The following TAF8 variants were observed in gnomAD, a reference collection of about 807,000 sequenced individuals.
TAF8 encodes transcription initiation factor TFIID subunit 8.
TAF8 carries 47 observed loss-of-function variants against 36.5 expected under a neutral mutation model. The ratio of observed to expected loss-of-function variants is 1.29; its 90% CI spans 1.02 to 1.64. The LOEUF is 1.64. TAF8 is among the 40% of genes most tolerant of loss of function. The pLI is 0.00. For missense variants in TAF8, 420 were observed against 407.6 expected (o/e 1.03, Z -0.26); for synonymous variants, 175 against 159.5 (o/e 1.10, Z -0.73).
chr6:42,084,811 CAG>C (rs1250285528), downstream of TAF8, among the ~76,000 whole-genome samples: 1 of 152,176 alleles, frequency 6.6e-6, no homozygotes, highest in Non-Finnish European at 1.5e-5. Flanking sequence ...GAAGAGGAAA[CAG>C]AGACTTAGAG....
intron 7 of TAF8, among the ~76,000 whole-genome samples, chr6:42,075,756 A>G (rs1376083585): frequency 1.3e-5 from 2 of 152,228 alleles, no homozygotes; most frequent in African/African-American, 4.8e-5. Flanking sequence ...TAAAGACAGG[A>G]TAACTGACTG....
chr6:42,050,791 G>C, intron 1 of TAF8: 1 of 907,020 alleles, frequency 1.1e-6, no homozygotes, highest in African/African-American at 1.7e-5. Flanking sequence ...TGATTGGCTC[G>C]TTCGCTGTTG....
intron 5 of TAF8, among the ~76,000 whole-genome samples, chr6:42,065,931 G>A (rs987372305): frequency 6.6e-6 from 1 of 151,746 alleles, no homozygotes; most frequent in Non-Finnish European, 1.5e-5. Context: ...ACAGAGTCTC[G>A]CTCCTGCTGC....
intron 5 of TAF8, among the ~76,000 whole-genome samples, chr6:42,060,769 TG>T (rs1199389119): frequency 1.3e-5 from 2 of 152,226 alleles, no homozygotes; most frequent in Admixed American, 6.5e-5. Flanking sequence ...TTTCTCCAAC[TG>T]TGGCCTGTTA....
intron 7 of TAF8, among the ~76,000 whole-genome samples, chr6:42,070,159 C>T (rs534788397): frequency 6.6e-6 from 1 of 152,090 alleles, no homozygotes; most frequent in Non-Finnish European, 1.5e-5. Context: ...ATAGCAGCCA[C>T]TAGCCACGTG....
Position 42,080,254 on chromosome 6 carries a change from TTG to T in TAF8, c.*2711_*2712del, listed in dbSNP as rs1386512693. The stretch of plus-strand genomic sequence containing the variant: ...GTGTTTCTGCAGCTTCCATTTGTTG[TTG>T]TTATCCAGTGTAAGCACCTGTTGAA... On this transcript the variant is annotated 3_prime_UTR_variant, in exon 9 of 9. Transcript: ENST00000372977. 5 of 985,624 alleles carry T rather than the reference TTG, an allele frequency of 5.1e-6. No individual in the cohort carries two copies. The highest frequency in any genetic ancestry group is 6.0e-6 in the Non-Finnish European group (5 of 830,056). The allele number at this position is 985,624 out of a possible 1,614,324, so 61.1% of individuals were successfully genotyped here.
rs1582226008 is a variant in TAF8 at position 42,062,855 on chromosome 6, A to C, written c.490-3457A>C. 2.0e-5 allele frequency among the ~76,000 whole-genome samples: 3 copies of C among 151,622 alleles called. No homozygotes were observed. In the Middle Eastern group the frequency reaches 0.01, roughly 516 times the overall value. On this transcript the variant is annotated intron_variant, in intron 5 of 8. Transcript: ENST00000372977. ...GTGCCTGGCCAAGACAATCTTTAAA[A>C]CCCTCTGAACTAGACAAAATTACAT...
rs1765931087 is a variant in TAF8 at position 42,081,671 on chromosome 6, A to G, written c.*4126A>G. The G allele has an allele frequency of 6.6e-6, 1 of 151,812 alleles. No individual in the cohort carries two copies. Among genetic ancestry groups the G allele is most frequent in the Non-Finnish European group, 1.5e-5 (1 of 68,030 alleles). 9.4% of individuals were successfully genotyped at this position (151,812 alleles called of 1,614,324 possible). A position where few individuals can be genotyped will look rare whatever the true frequency, so the allele number is the denominator to read the frequency against. ...GGCATGAGCCACCGCACCTGGCCTAATTTTTTTGTAGGTTTAGTAGAGATG... is the reference window on the plus strand; with the variant it reads ...GGCATGAGCCACCGCACCTGGCCTAGTTTTTTTGTAGGTTTAGTAGAGATG... On this transcript the variant is annotated 3_prime_UTR_variant, in exon 9 of 9. Coordinates refer to ENST00000372977, the MANE Select transcript of TAF8 (RefSeq NM_138572.3).
intron 5 of TAF8, among the ~76,000 whole-genome samples, chr6:42,064,507 G>A (rs926880187): frequency 6.6e-6 from 1 of 151,970 alleles, no homozygotes; most frequent in Non-Finnish European, 1.5e-5. Flanking sequence ...TATCCGCCTC[G>A]GCCTCCCAAA....
chr6:42,052,836 T>C (rs1407413275), intron 2 of TAF8, among the ~76,000 whole-genome samples: 1 of 151,964 alleles, frequency 6.6e-6, no homozygotes, highest in South Asian at 2.1e-4. Context: ...TGGGGTGCAA[T>C]GCAGGCCCAA....
rs1174561916 is a variant in TAF8 at position 42,078,312 on chromosome 6, A to G, written c.*767A>G. 7 of 985,334 alleles carry G rather than the reference A, an allele frequency of 7.1e-6. No individual in the cohort carries two copies. The highest frequency in any genetic ancestry group is 7.2e-6 in the Non-Finnish European group (6 of 829,958). 61.0% of individuals were successfully genotyped at this position (985,334 alleles called of 1,614,324 possible). A position where few individuals can be genotyped will look rare whatever the true frequency, so the allele number is the denominator to read the frequency against. On this transcript the variant is annotated 3_prime_UTR_variant, in exon 9 of 9. Coordinates refer to ENST00000372977, the MANE Select transcript of TAF8 (RefSeq NM_138572.3). The stretch of plus-strand genomic sequence containing the variant: ...GACCAGGGAAAGTGACAGGAAGGAA[A>G]GGGCTCTTTGCTGCTGTGCTTATTA...
intron 5 of TAF8, among the ~76,000 whole-genome samples, chr6:42,066,003 C>T (rs945511354): frequency 1.3e-5 from 2 of 152,250 alleles, no homozygotes; most frequent in African/African-American, 4.8e-5. Context: ...TGGGTTCAAG[C>T]GATTCTCCTG....
At position 42,065,895 on chromosome 6, in the gene TAF8, TTTTATTTA is replaced by T. The variant is rs1310616140; in HGVS notation, c.490-405_490-398del. Reference sequence around the variant, plus strand: ...AATAGTATTGGGTCATTTAATTTAATTTTATTTATTTATTTATTTTTTGAGACAGAGTC... The same window carrying T: ...AATAGTATTGGGTCATTTAATTTAATTTTATTTATTTTTTGAGACAGAGTC... On this transcript the variant is annotated intron_variant, in intron 5 of 8. Coordinates refer to ENST00000372977, the MANE Select transcript of TAF8 (RefSeq NM_138572.3). Among the ~76,000 whole-genome samples the T allele has an allele frequency of 3.3e-5, 5 of 152,308 alleles. No homozygotes were observed. The South Asian group carries it at 8.3e-4, about 25-fold the overall frequency.
downstream of TAF8, chr6:42,086,861 C>A: frequency 9.2e-7 from 1 of 1,088,930 alleles, no homozygotes; most frequent in Non-Finnish European, 1.4e-6. Flanking sequence ...CCTTCCAGCC[C>A]TTGCTGGTGC....
intron 8 of TAF8, 40 bp downstream of exon 8, chr6:42,077,279 C>G (rs1298996197): frequency 1.3e-6 from 2 of 1,593,514 alleles, no homozygotes. Flanking sequence ...TTCACTGTCC[C>G]ACCGAGGTGG....
intron 5 of TAF8, among the ~76,000 whole-genome samples, chr6:42,058,210 C>T (rs1765073359): frequency 6.6e-6 from 1 of 152,130 alleles, no homozygotes; most frequent in South Asian, 2.1e-4. Flanking sequence ...ACAGTGAAAC[C>T]CCATCTCTAC....
intron 3 of TAF8, 41 bp from the exon 4 acceptor site, chr6:42,055,911 C>T (rs368156848): frequency 1.4e-4 from 178 of 1,299,794 alleles, no homozygotes; most frequent in Non-Finnish European, 1.9e-4. Context: ...TATTCAATAT[C>T]CAGTGGTCTG....
chr6:42,074,048 T>C (rs1562020171), intron 7 of TAF8, among the ~76,000 whole-genome samples: 2 of 152,054 alleles, frequency 1.3e-5, no homozygotes, highest in Non-Finnish European at 2.9e-5. Flanking sequence ...TGCAGTCACT[T>C]GGGAAGCTGA....
At chr6:42,076,580 G>A (rs1053646153) in intron 7 of TAF8, among the ~76,000 whole-genome samples, 1 of 152,220 alleles carries the variant, frequency 6.6e-6, no homozygotes, top group Non-Finnish European at 1.5e-5. Flanking sequence ...TCTAGCCTGT[G>A]CTGGGATGTG....
Sources: allele counts gnomAD v4.1 joint callset (sites outside exome capture counted in the v4.1 genomes callset), GRCh38; gene constraint gnomAD v4.1.1; transcripts MANE v1.5; gene names NCBI Gene and HGNC (gene_info 2026-07-23, HGNC 2026-07-21).